ASTN1: variants seen among roughly 807,000 people sequenced by gnomAD.
ASTN1 encodes astrotactin-1.
A neutral mutation model predicts 140.7 loss-of-function variants in ASTN1; 41 were observed. That is an observed-to-expected ratio of 0.29 (90% CI 0.23 to 0.38). The LOEUF (loss-of-function observed/expected upper bound fraction) is 0.38, where lower values mean the gene tolerates loss of function less well. Among genes scored for constraint, ASTN1 ranks in the 10% least tolerant of loss-of-function variants. The pLI, the probability that ASTN1 is intolerant of heterozygous loss-of-function variation, is 1.00. For synonymous variants in ASTN1, 640 were observed against 652.2 expected (o/e 0.98, Z 0.29); for missense variants, 1,479 against 1,678.8 (o/e 0.88, Z 2.08).
intron 5 of ASTN1, among the ~76,000 whole-genome samples, chr1:177,027,039 A>C (rs542135370): frequency 1.8e-4 from 28 of 152,238 alleles, no homozygotes; most frequent in Admixed American, 1.6e-3. Flanking sequence ...CCTGCACCCT[A>C]AGCTCTATTC....
At chr1:177,103,896 T>C (rs1680417375) in intron 1 of ASTN1, among the ~76,000 whole-genome samples, 1 of 152,182 alleles carries the variant, frequency 6.6e-6, no homozygotes, top group Non-Finnish European at 1.5e-5. Context: ...TGGGTCCTTT[T>C]GTCTCTTTCA....
intron 1 of ASTN1, among the ~76,000 whole-genome samples, chr1:177,087,395 A>G (rs1445981888): frequency 6.6e-6 from 1 of 152,200 alleles, no homozygotes; most frequent in Admixed American, 6.5e-5. Context: ...ATCCAAAACC[A>G]GTAACAGTAC....
At chr1:177,081,293 A>G (rs1679168681) in intron 1 of ASTN1, among the ~76,000 whole-genome samples, 1 of 152,186 alleles carries the variant, frequency 6.6e-6, no homozygotes, top group African/African-American at 2.4e-5. Flanking sequence ...AAAGTATTTT[A>G]CTTTTTATGA....
At chr1:176,884,619 C>T in intron 18 of ASTN1, 129 bp from the exon 19 acceptor site, 2 of 1,007,866 alleles carry the variant, frequency 2.0e-6, no homozygotes, top group Non-Finnish European at 2.8e-6. Context: ...TCTTTGAGGG[C>T]CTGTCTCTTT....
At chr1:177,020,070 A>G (rs1008729290) in intron 7 of ASTN1, among the ~76,000 whole-genome samples, 3 of 152,178 alleles carry the variant, frequency 2.0e-5, no homozygotes, top group South Asian at 4.2e-4. Flanking sequence ...TATTTTTATT[A>G]GAGATGGGGT....
intron 14 of ASTN1, among the ~76,000 whole-genome samples, chr1:176,940,189 CA>C (rs1294313411): frequency 1.3e-5 from 2 of 152,104 alleles, no homozygotes; most frequent in Non-Finnish European, 2.9e-5. Flanking sequence ...CCAGATTATA[CA>C]TAAAAATAGA....
intron 8 of ASTN1, among the ~76,000 whole-genome samples, chr1:176,992,871 T>C (rs907394803): frequency 7.2e-5 from 11 of 152,206 alleles, no homozygotes; most frequent in African/African-American, 2.7e-4. Context: ...CCCAAATTCC[T>C]ATGTTGAAGA....
chr1:176,902,338 T>C (rs1469434565), intron 16 of ASTN1, among the ~76,000 whole-genome samples: 7 of 152,206 alleles, frequency 4.6e-5, no homozygotes, highest in Non-Finnish European at 1.0e-4. Flanking sequence ...CAGGTGATGG[T>C]TTTATTCATC....
chr1:177,127,835 C>T (rs542656293), intron 1 of ASTN1, among the ~76,000 whole-genome samples: 2 of 152,276 alleles, frequency 1.3e-5, no homozygotes, highest in East Asian at 3.9e-4. Context: ...AGGTCAACAG[C>T]GTCCTGTACG....
intron 8 of ASTN1, among the ~76,000 whole-genome samples, chr1:177,009,459 C>T (rs1366220560): frequency 6.6e-6 from 1 of 152,226 alleles, no homozygotes; most frequent in Non-Finnish European, 1.5e-5. Flanking sequence ...ACACAGTCCT[C>T]ATTCTTGGCT....
chr1:176,965,448 T>C (rs754039046), intron 8 of ASTN1, among the ~76,000 whole-genome samples: 1 of 152,164 alleles, frequency 6.6e-6, no homozygotes, highest in African/African-American at 2.4e-5. Context: ...ACTGAACTAC[T>C]AGGAAAATGG....
chr1:176,966,706 T>C (rs1389003885), intron 8 of ASTN1, among the ~76,000 whole-genome samples: 1 of 151,964 alleles, frequency 6.6e-6, no homozygotes, highest in African/African-American at 2.4e-5. Context: ...GCATATTATA[T>C]TATATATTAT....
chr1:176,904,462 T>G (rs1244697790), intron 16 of ASTN1, among the ~76,000 whole-genome samples: 1 of 151,776 alleles, frequency 6.6e-6, no homozygotes, highest in Non-Finnish European at 1.5e-5. Flanking sequence ...CAGAGCAGCA[T>G]GGGGAGAGGG....
intron 1 of ASTN1, among the ~76,000 whole-genome samples, chr1:177,083,869 CAG>C (rs1679294269): frequency 6.6e-6 from 1 of 152,200 alleles, no homozygotes; most frequent in African/African-American, 2.4e-5. Flanking sequence ...TTCTGCCTTT[CAG>C]AGAGAGTCAG....
chr1:176,866,100 G>T (rs912133071), intron 22 of ASTN1, among the ~76,000 whole-genome samples: 5 of 152,162 alleles, frequency 3.3e-5, no homozygotes, highest in Non-Finnish European at 7.3e-5. Context: ...TCAGAGGGAG[G>T]TTTCAAAGAA....
chr1:176,939,233 G>C (rs938569252), intron 14 of ASTN1, among the ~76,000 whole-genome samples: 1 of 152,076 alleles, frequency 6.6e-6, no homozygotes, highest in Non-Finnish European at 1.5e-5. Flanking sequence ...ACCTAACTGC[G>C]TAAACTTGGC....
rs561422850 is a variant in ASTN1, at chr1:177,139,976, C to T, written c.283+24418G>A. Among the ~76,000 whole-genome samples the T allele has an allele frequency of 2.0e-5, 3 of 152,218 alleles. No individual in the cohort carries two copies. In the South Asian group the frequency reaches 6.2e-4, roughly 32 times the overall value. On this transcript the variant is annotated intron_variant, in intron 1 of 22. Coordinates refer to ENST00000361833, the MANE Select transcript of ASTN1 (RefSeq NM_004319.3). ...GCATAAAAAGAAGAAAATCTATTTG[C>T]AAATAGGCCAAAGCTCACTAATCAC...
intron 1 of ASTN1, among the ~76,000 whole-genome samples, chr1:177,111,818 G>A (rs528765827): frequency 1.3e-5 from 2 of 152,280 alleles, no homozygotes; most frequent in South Asian, 2.1e-4. Context: ...TGTATGGTGG[G>A]CTTTTGGTAT....
intron 1 of ASTN1, among the ~76,000 whole-genome samples, chr1:177,133,330 T>G (rs986079392): frequency 1.3e-5 from 2 of 152,234 alleles, no homozygotes; most frequent in Non-Finnish European, 2.9e-5. Context: ...AGGGTCTGTC[T>G]AGATGCAAAG....
Sources: allele counts gnomAD v4.1 joint callset (sites outside exome capture counted in the v4.1 genomes callset), GRCh38; gene constraint gnomAD v4.1.1; transcripts MANE v1.5; gene names NCBI Gene and HGNC (gene_info 2026-07-23, HGNC 2026-07-21).